PTGER3: variants seen among roughly 807,000 people sequenced by gnomAD.
The protein encoded by PTGER3 is prostaglandin E receptor 3.
In PTGER3, 22 loss-of-function variants were observed where a neutral mutation model predicts 34.7. That is an observed-to-expected ratio of 0.63 (90% CI 0.45 to 0.91). The LOEUF is 0.91. PTGER3 is among the 40% of genes least tolerant of loss of function. PTGER3 has a pLI of 0.00. For missense variants in PTGER3, 468 were observed against 519.4 expected (o/e 0.90, Z 0.96); for synonymous variants, 241 against 230.1 (o/e 1.05, Z -0.43).
chr1:70,996,639 T>TTTTTTAATTTATTTA lies in PTGER3; in HGVS notation c.1077+15665_1077+15666insTAAATAAATTAAAAA, dbSNP rs774610328. Among the ~76,000 whole-genome samples the TTTTTTAATTTATTTA allele has an allele frequency of 1.6e-3, 198 of 122,748 alleles. 3 individuals carry two copies. Among genetic ancestry groups the TTTTTTAATTTATTTA allele is most frequent in the African/African-American group, 5.6e-3 (187 of 33,366 alleles). The allele number at this position is 122,748 out of a possible 152,430, so 80.5% of individuals were successfully genotyped here. On this transcript the variant is annotated intron_variant, in intron 2 of 3. Coordinates refer to ENST00000306666, the MANE Select transcript of PTGER3 (RefSeq NM_198719.2). ...CCATGCCCGGCTAATTTTTTTGTATTTTTATTTATTTATTTATTTATTTAT... is the reference window on the plus strand; with the variant it reads ...CCATGCCCGGCTAATTTTTTTGTATTTTTTTAATTTATTTATTTATTTATTTATTTATTTATTTAT...
chr1:70,941,062 T>C (rs1432436684), intron 4 of PTGER3, among the ~76,000 whole-genome samples: 1 of 152,214 alleles, frequency 6.6e-6, no homozygotes, highest in Non-Finnish European at 1.5e-5. Context: ...TTCTTGTTTT[T>C]TCAATATACT....
intron 4 of PTGER3, among the ~76,000 whole-genome samples, chr1:70,900,868 T>C (rs1646822511): frequency 6.6e-6 from 1 of 152,002 alleles, no homozygotes; most frequent in African/African-American, 2.4e-5. Context: ...TACAAAGCAG[T>C]GAGGGTCGGG....
At chr1:71,039,951 T>A (rs766364811) in intron 1 of PTGER3, among the ~76,000 whole-genome samples, 24 of 152,066 alleles carry the variant, frequency 1.6e-4, no homozygotes, top group Non-Finnish European at 3.5e-4. Flanking sequence ...TAGTACTGTA[T>A]ACTACCCCAT....
At chr1:71,044,792 T>C (rs1161770540) in intron 1 of PTGER3, among the ~76,000 whole-genome samples, 5 of 152,198 alleles carry the variant, frequency 3.3e-5, no homozygotes, top group African/African-American at 4.8e-5. Flanking sequence ...ATTAACTGTA[T>C]GGGTATTTTG....
At chr1:70,977,716 C>T (rs726764) in intron 2 of PTGER3, among the ~76,000 whole-genome samples, 122,423 of 151,974 alleles carry the variant, frequency 0.81, 49,456 homozygotes, top group East Asian at 0.96. Flanking sequence ...TCCTGACCAC[C>T]GGCTCCTTTC....
intron 1 of PTGER3, among the ~76,000 whole-genome samples, chr1:71,026,588 C>T (rs992902019): frequency 2.6e-4 from 39 of 151,678 alleles, no homozygotes; most frequent in South Asian, 2.1e-4. Flanking sequence ...GTGTTTACCC[C>T]CTTAGGCTGC....
chr1:70,994,745 T>C (rs1429150409), intron 2 of PTGER3, among the ~76,000 whole-genome samples: 1 of 152,186 alleles, frequency 6.6e-6, no homozygotes, highest in Non-Finnish European at 1.5e-5. Flanking sequence ...CGTGAGCCAT[T>C]GCGACCAGCC....
At position 70,941,131 on chromosome 1, in the gene PTGER3, C is replaced by T. The variant is rs1259872266; in HGVS notation, c.*23+12632G>A. Among the ~76,000 whole-genome samples, 4 of 152,232 alleles carry T rather than the reference C, an allele frequency of 2.6e-5. No homozygotes were observed. In the South Asian group the frequency reaches 8.3e-4, roughly 32 times the overall value. On this transcript the variant is annotated intron_variant, in intron 4 of 4. Coordinates refer to the PTGER3 transcript ENST00000370931. Reference sequence around the variant, plus strand: ...TTAAATGTCTACTTCAATGACAGTGCATATCTAATGCAATACTCATATATA... The same window carrying T: ...TTAAATGTCTACTTCAATGACAGTGTATATCTAATGCAATACTCATATATA...
intron 2 of PTGER3, among the ~76,000 whole-genome samples, chr1:71,000,541 G>A (rs1656380572): frequency 6.6e-6 from 1 of 152,054 alleles, no homozygotes; most frequent in Non-Finnish European, 1.5e-5. Flanking sequence ...AAGCAGATGT[G>A]GTCAAAATGA....
intron 3 of PTGER3, 56 bp from the exon 4 acceptor site, chr1:70,971,789 A>T (rs753714937): frequency 3.8e-5 from 48 of 1,269,514 alleles, no homozygotes; most frequent in East Asian, 1.2e-4. Flanking sequence ...TATTTTTTTT[A>T]AATTTTGTGT....
At chr1:71,009,415 T>C (rs1657247864) in intron 2 of PTGER3, 1 of 981,166 alleles carries the variant, frequency 1.0e-6, no homozygotes, top group Non-Finnish European at 1.2e-6. Flanking sequence ...TCTTGGGATA[T>C]ATACAGCACT....
Position 71,047,274 on chromosome 1 carries a change from C to T in PTGER3, c.304G>A (p.Gly102Arg). ...IGWLALTDLVGQLLTTPVVIV... is the reference protein window; with the variant it reads ...IGWLALTDLVRQLLTTPVVIV... ...ACGACCGGGGTGGTGAGAAGCTGCC[C>T]GACCAGGTCGGTGAGCGCCAGCCAG... Residue 102 changes from glycine to arginine, a missense_variant, in exon 1 of 4, where the codon GGG becomes AGG. This residue lies in a region of PTGER3 where 53 missense variants were observed against 93.9 expected (regional missense o/e 0.56). Coordinates refer to ENST00000306666, the MANE Select transcript of PTGER3 (RefSeq NM_198719.2). The T allele has an allele frequency of 6.3e-7, 1 of 1,596,574 alleles. No homozygotes were observed.
At chr1:70,865,001 C>A (rs897830406) in intron 4 of PTGER3, among the ~76,000 whole-genome samples, 1 of 151,970 alleles carries the variant, frequency 6.6e-6, no homozygotes, top group African/African-American at 2.4e-5. Flanking sequence ...ATCCAGAAGG[C>A]AGAGTCAAGG....
intron 4 of PTGER3, among the ~76,000 whole-genome samples, chr1:70,927,843 T>C (rs933885861): frequency 2.0e-5 from 3 of 152,058 alleles, no homozygotes; most frequent in Admixed American, 1.3e-4. Context: ...ATAGAAATTG[T>C]AACTGACACA....
At chr1:70,980,687 T>G (rs1301993178) in intron 2 of PTGER3, among the ~76,000 whole-genome samples, 1 of 152,108 alleles carries the variant, frequency 6.6e-6, no homozygotes, top group Non-Finnish European at 1.5e-5. Flanking sequence ...GAACAGAATC[T>G]GATGCAATGA....
At chr1:70,939,507 G>A (rs1015064485) in intron 4 of PTGER3, among the ~76,000 whole-genome samples, 3 of 152,228 alleles carry the variant, frequency 2.0e-5, no homozygotes, top group Non-Finnish European at 2.9e-5. Flanking sequence ...CCTAGTAGAG[G>A]TTCTCCATCA....
intron 4 of PTGER3, among the ~76,000 whole-genome samples, chr1:70,942,008 CCTGTCTTTTCATAA>C (rs1387117202): frequency 6.6e-6 from 1 of 152,082 alleles, no homozygotes; most frequent in Non-Finnish European, 1.5e-5. Flanking sequence ...GTACAAAATG[CCTGTCTTTTCATAA>C]TAATAGAATT....
At chr1:71,011,184 T>C in intron 2 of PTGER3, 2 of 985,494 alleles carry the variant, frequency 2.0e-6, no homozygotes, top group South Asian at 4.7e-5. Flanking sequence ...TCATGTAGAC[T>C]GTAGGAAAAA....
At chr1:70,910,640 T>C (rs1368100242) in intron 4 of PTGER3, among the ~76,000 whole-genome samples, 1 of 152,204 alleles carries the variant, frequency 6.6e-6, no homozygotes, top group Non-Finnish European at 1.5e-5. Flanking sequence ...ATCTAAAAAC[T>C]GTTCAACCTA....
Sources: gnomAD v4.1 joint callset for allele counts (sites outside exome capture counted in the v4.1 genomes callset) on GRCh38, gnomAD v4.1.1 for gene constraint, gnomAD v4.1.1 regional missense constraint, MANE v1.5 for transcripts, NCBI Gene and HGNC (gene_info 2026-07-23, HGNC 2026-07-21) for gene names.